Variants in ANXA4 observed in about 807,000 individuals in gnomAD.
The protein encoded by ANXA4 is 35-beta calcimedin.
Under a neutral mutation model 49.8 loss-of-function variants are expected in ANXA4, and 39 were observed. That is an observed-to-expected ratio of 0.78 (90% CI 0.61 to 1.02). The LOEUF is 1.02. Among genes scored for constraint, ANXA4 ranks in the 50% least tolerant of loss-of-function variants. The pLI is 0.00. For synonymous variants in ANXA4, 134 were observed against 152.5 expected (o/e 0.88, Z 0.89); for missense variants, 360 against 410.1 (o/e 0.88, Z 1.05).
At chr2:69,825,123 G>A (rs918491430) in intron 12 of ANXA4, among the ~76,000 whole-genome samples, 11 of 147,982 alleles carry the variant, frequency 7.4e-5, no homozygotes, top group African/African-American at 2.5e-4. Context: ...TAGGGAAATA[G>A]GCTATATTGT....
chr2:69,762,880 C>G (rs1214817619), intron 1 of ANXA4, among the ~76,000 whole-genome samples: 1 of 152,126 alleles, frequency 6.6e-6, no homozygotes, highest in Non-Finnish European at 1.5e-5. Flanking sequence ...CTCACACACA[C>G]TCATACTCAC....
intron 3 of ANXA4, 111 bp from the exon 4 acceptor site, chr2:69,804,422 T>A: frequency 1.1e-6 from 1 of 936,618 alleles, no homozygotes; most frequent in African/African-American, 1.7e-5. Flanking sequence ...GGGCCTCTTT[T>A]CTTAGAAAGC....
At position 69,817,882 on chromosome 2, in the gene ANXA4, C is replaced by T. The variant is rs1300358611; in HGVS notation, c.629-717C>T. 2.6e-5 allele frequency: 4 copies of T among 152,316 alleles called. No individual in the cohort carries two copies. In the South Asian group the frequency reaches 8.3e-4, roughly 32 times the overall value. 9.4% of individuals were successfully genotyped at this position (152,316 alleles called of 1,614,324 possible). A position where few individuals can be genotyped will look rare whatever the true frequency, so the allele number is the denominator to read the frequency against. On this transcript the variant is annotated intron_variant, in intron 9 of 12. Coordinates refer to ENST00000394295, the MANE Select transcript of ANXA4 (RefSeq NM_001153.5). Reference sequence around the variant, plus strand: ...AATTAAAAAGTTCCCAGGAGAGAGTCTAACGGGTCCTGACTGGGTCAACTG... The same window carrying T: ...AATTAAAAAGTTCCCAGGAGAGAGTTTAACGGGTCCTGACTGGGTCAACTG...
At chr2:69,703,219 C>T (rs993425536) in intron 2 of ANXA4, among the ~76,000 whole-genome samples, 37 of 150,480 alleles carry the variant, frequency 2.5e-4, no homozygotes, top group Non-Finnish European at 5.2e-4. Context: ...TGGACTCTTT[C>T]GCCTCTGGCT....
chr2:69,801,557 A>C (rs1673196017), intron 3 of ANXA4, among the ~76,000 whole-genome samples: 1 of 151,914 alleles, frequency 6.6e-6, no homozygotes. Flanking sequence ...GGCCCCCACC[A>C]CCATACCTGG....
chr2:69,752,745 A>C lies in ANXA4; in HGVS notation c.-47+10570A>C, dbSNP rs115472631. On this transcript the variant is annotated intron_variant, in intron 1 of 12. Coordinates refer to ENST00000394295, the MANE Select transcript of ANXA4 (RefSeq NM_001153.5). ...TACTCGGCCCTTGCTAGAAGTGTGCAGTATGAATGGACAATTTCCCATGGC... is the reference window on the plus strand; with the variant it reads ...TACTCGGCCCTTGCTAGAAGTGTGCCGTATGAATGGACAATTTCCCATGGC... 8.7e-3 allele frequency among the ~76,000 whole-genome samples: 1,325 copies of C among 152,302 alleles called. 29 individuals are homozygous for C. The highest frequency in any genetic ancestry group is 0.031 in the African/African-American group (1,278 of 41,566).
At chr2:69,726,967 A>G (rs1486551044) in intron 3 of ANXA4, among the ~76,000 whole-genome samples, 1 of 152,060 alleles carries the variant, frequency 6.6e-6, no homozygotes, top group Non-Finnish European at 1.5e-5. Flanking sequence ...ACTGCAGCCT[A>G]GAACTTCTGG....
intron 2 of ANXA4, among the ~76,000 whole-genome samples, chr2:69,676,006 C>CA (rs558159796): frequency 0.014 from 1,385 of 98,980 alleles, 29 homozygotes; most frequent in East Asian, 0.14. Flanking sequence ...GACTCTGTCT[C>CA]AAAAAAAAAA....
intron 3 of ANXA4, among the ~76,000 whole-genome samples, chr2:69,727,033 C>T (rs1573154235): frequency 6.6e-6 from 1 of 152,222 alleles, no homozygotes; most frequent in East Asian, 1.9e-4. Flanking sequence ...CAGGTGTGCA[C>T]CACCACGCAC....
At chr2:69,765,900 T>C (rs2105540047) in intron 1 of ANXA4, among the ~76,000 whole-genome samples, 1 of 152,306 alleles carries the variant, frequency 6.6e-6, no homozygotes, top group South Asian at 2.1e-4. Flanking sequence ...GCCATAGCAA[T>C]TAATGCCAGT....
At chr2:69,751,507 C>CAAAA (rs71397349) in intron 1 of ANXA4, among the ~76,000 whole-genome samples, 3 of 96,842 alleles carry the variant, frequency 3.1e-5, no homozygotes, top group African/African-American at 3.7e-5. Flanking sequence ...GACCCTGTCT[C>CAAAA]AAAAAAAAAA....
intron 1 of ANXA4, among the ~76,000 whole-genome samples, chr2:69,777,257 A>G (rs529779733): frequency 1.3e-5 from 2 of 152,266 alleles, no homozygotes; most frequent in African/African-American, 4.8e-5. Context: ...TTACATAGGC[A>G]TGATTGATCC....
chr2:69,776,030 G>A lies in ANXA4; in HGVS notation c.-46-5490G>A, dbSNP rs551044919. Among the ~76,000 whole-genome samples the A allele has an allele frequency of 2.0e-5, 3 of 151,506 alleles. No homozygotes were observed. In the South Asian group the frequency reaches 6.2e-4, roughly 31 times the overall value. On this transcript the variant is annotated intron_variant, in intron 1 of 12. Transcript: ENST00000394295. ...ACTCTGTTGCCCAGGCTGGAGTGCA[G>A]TGGTGCAATCTTGGTTCACTGCAGC...
intron 2 of ANXA4, among the ~76,000 whole-genome samples, chr2:69,660,055 A>T (rs1331484750): frequency 3.3e-5 from 5 of 152,230 alleles, no homozygotes; most frequent in African/African-American, 1.2e-4. Flanking sequence ...GAGAGGTGAC[A>T]AGAAAATACA....
At chr2:69,791,369 T>A (rs1220330476) in intron 3 of ANXA4, among the ~76,000 whole-genome samples, 1 of 152,238 alleles carries the variant, frequency 6.6e-6, no homozygotes, top group African/African-American at 2.4e-5. Context: ...TTTCCAATTG[T>A]GTTTTGTTGC....
upstream of ANXA4, among the ~76,000 whole-genome samples, chr2:69,739,582 T>C (rs1033245473): frequency 6.6e-6 from 1 of 151,670 alleles, no homozygotes; most frequent in Non-Finnish European, 1.5e-5. Flanking sequence ...ATTTTTTTTT[T>C]TTTTTTAAAG....
chr2:69,665,739 A>G (rs1465576524), intron 2 of ANXA4, among the ~76,000 whole-genome samples: 1 of 152,212 alleles, frequency 6.6e-6, no homozygotes, highest in East Asian at 1.9e-4. Flanking sequence ...AAACAGATTA[A>G]TTAGATTTCA....
chr2:69,651,005 CAT>C (rs1379029292), intron 1 of ANXA4, among the ~76,000 whole-genome samples: 1 of 152,158 alleles, frequency 6.6e-6, no homozygotes, highest in Non-Finnish European at 1.5e-5. Context: ...AGAAGATGGA[CAT>C]GTGTTTTCCT....
upstream of ANXA4, among the ~76,000 whole-genome samples, chr2:69,739,009 A>G (rs1670311468): frequency 6.6e-6 from 1 of 152,232 alleles, no homozygotes; most frequent in African/African-American, 2.4e-5. Flanking sequence ...CACCTCAACT[A>G]CATCTGATGT....
Sources: gnomAD v4.1 joint callset for allele counts (sites outside exome capture counted in the v4.1 genomes callset) on GRCh38, gnomAD v4.1.1 for gene constraint, MANE v1.5 for transcripts, NCBI Gene and HGNC (gene_info 2026-07-23, HGNC 2026-07-21) for gene names.